PPFIBP1: variants seen among roughly 807,000 people sequenced by gnomAD.
PPFIBP1 encodes the protein PPFIB scaffold protein 1.
Under a neutral mutation model 137.8 loss-of-function variants are expected in PPFIBP1, and 112 were observed. That is an observed-to-expected ratio of 0.81 (90% CI 0.70 to 0.95). The LOEUF is 0.95. Ranked by LOEUF, PPFIBP1 falls within the 40% of genes least tolerant of loss-of-function variation. The pLI is 0.00. For synonymous variants in PPFIBP1, 378 were observed against 417.3 expected (o/e 0.91, Z 1.15); for missense variants, 1,083 against 1,196.6 (o/e 0.91, Z 1.40).
At chr12:27,535,953 T>G (rs1166963038) in intron 1 of PPFIBP1, among the ~76,000 whole-genome samples, 1 of 152,260 alleles carries the variant, frequency 6.6e-6, no homozygotes, top group East Asian at 1.9e-4. Flanking sequence ...GCCGTCATTT[T>G]CAGCATAAGT....
chr12:27,647,470 T>C (rs889275446), intron 5 of PPFIBP1, among the ~76,000 whole-genome samples: 2 of 152,242 alleles, frequency 1.3e-5, no homozygotes, highest in Non-Finnish European at 2.9e-5. Flanking sequence ...ATGGTTGAAG[T>C]AGCTTTAACC....
chr12:27,568,051 A>T (rs1457461628), intron 1 of PPFIBP1, among the ~76,000 whole-genome samples: 4 of 152,154 alleles, frequency 2.6e-5, no homozygotes, highest in Non-Finnish European at 5.9e-5. Context: ...TTTAATTTTT[A>T]AGGGCAACGG....
At chr12:27,568,217 G>C (rs988430750) in intron 1 of PPFIBP1, among the ~76,000 whole-genome samples, 9 of 152,216 alleles carry the variant, frequency 5.9e-5, no homozygotes, top group African/African-American at 1.9e-4. Context: ...TGTCATTAAT[G>C]CTGGTCAGGC....
At chr12:27,559,543 C>T (rs184012013) in intron 1 of PPFIBP1, among the ~76,000 whole-genome samples, 4 of 152,226 alleles carry the variant, frequency 2.6e-5, no homozygotes, top group African/African-American at 4.8e-5. Context: ...CAGCTGTATT[C>T]GCTTAATTCT....
intron 1 of PPFIBP1, among the ~76,000 whole-genome samples, chr12:27,575,844 T>C (rs1283282484): frequency 6.6e-6 from 1 of 152,222 alleles, no homozygotes; most frequent in Non-Finnish European, 1.5e-5. Context: ...TGTTGGTTAG[T>C]TAGTATTTAT....
intron 2 of PPFIBP1, among the ~76,000 whole-genome samples, chr12:27,581,945 C>G (rs2136987096): frequency 6.6e-6 from 1 of 151,732 alleles, no homozygotes; most frequent in South Asian, 2.1e-4. Context: ...TTTTAGAACT[C>G]TCTCTTCAAG....
At chr12:27,685,230 TACAC>T (rs1177134122) in intron 24 of PPFIBP1, among the ~76,000 whole-genome samples, 2 of 149,620 alleles carry the variant, frequency 1.3e-5, no homozygotes, top group Non-Finnish European at 2.9e-5. Context: ...TATATATATA[TACAC>T]ACACATACAC....
At chr12:27,688,214 TTGAGTAAC>T in intron 25 of PPFIBP1, 76 bp from the exon 26 acceptor site, 2 of 1,429,922 alleles carry the variant, frequency 1.4e-6, no homozygotes, top group Non-Finnish European at 1.9e-6. Context: ...TAGTGGGTTG[TTGAGTAAC>T]TGTACTCCAT....
At chr12:27,601,293 T>C (rs2053957650) in intron 2 of PPFIBP1, among the ~76,000 whole-genome samples, 1 of 152,248 alleles carries the variant, frequency 6.6e-6, no homozygotes, top group Admixed American at 6.5e-5. Flanking sequence ...AGGACTTCCT[T>C]CTTCCAAACC....
chr12:27,528,010 G>A (rs769401706), intron 1 of PPFIBP1, among the ~76,000 whole-genome samples: 5 of 152,048 alleles, frequency 3.3e-5, no homozygotes, highest in Non-Finnish European at 7.4e-5. Context: ...GTGCAGTGGC[G>A]TGATCTTGCC....
At chr12:27,633,238 C>T (rs978205348) in intron 2 of PPFIBP1, 124 bp from the exon 3 acceptor site, 5 of 647,046 alleles carry the variant, frequency 7.7e-6, no homozygotes, top group Admixed American at 2.7e-5. Context: ...CTTGCTACTC[C>T]ACTACTGAAG....
chr12:27,617,601 T>C (rs1485793814), intron 2 of PPFIBP1, among the ~76,000 whole-genome samples: 1 of 152,246 alleles, frequency 6.6e-6, no homozygotes, highest in African/African-American at 2.4e-5. Flanking sequence ...GCCTATAACC[T>C]TCACACATCC....
Position 27,691,925 on chromosome 12 carries a change from G to A in PPFIBP1, c.2862G>A (p.Glu954=). 1 of 1,606,216 alleles carries A rather than the reference G, an allele frequency of 6.2e-7. No individual in the cohort carries two copies. The highest frequency in any genetic ancestry group is 8.5e-7 in the Non-Finnish European group (1 of 1,177,192). The change falls in exon 28 of 30, where the codon GAG becomes GAA. Residue 954 remains glutamate (E), a synonymous_variant. Coordinates refer to ENST00000228425, the MANE Select transcript of PPFIBP1 (RefSeq NM_003622.4). The part of the protein sequence containing the change: ...LYEEDDLDRL[E]QMEDSEGTVR... Reference sequence around the variant, plus strand: ...AGGAAGATGATTTGGACCGGTTAGAGCAGGTAAATCCAACACTGTATAACT... The same window carrying A: ...AGGAAGATGATTTGGACCGGTTAGAACAGGTAAATCCAACACTGTATAACT...
chr12:27,582,626 C>T (rs919639889), intron 2 of PPFIBP1, among the ~76,000 whole-genome samples: 10 of 152,134 alleles, frequency 6.6e-5, no homozygotes, highest in South Asian at 2.1e-4. Context: ...TGTACTGTAG[C>T]GCTGTTCTAG....
chr12:27,667,053 T>C (rs1313196645), intron 12 of PPFIBP1, 113 bp from the exon 13 acceptor site: 31 of 1,115,888 alleles, frequency 2.8e-5, no homozygotes, highest in Non-Finnish European at 3.4e-5. Flanking sequence ...CTCTGATTTT[T>C]GAGGATCAGA....
intron 19 of PPFIBP1, 114 bp from the exon 20 acceptor site, chr12:27,679,375 G>A (rs10743607): frequency 0.99 from 1,024,487 of 1,032,662 alleles, 508,543 homozygotes; most frequent in East Asian, 1. Flanking sequence ...CTCTTTGTAA[G>A]TCACTGATTA....
intron 1 of PPFIBP1, among the ~76,000 whole-genome samples, chr12:27,542,640 C>T (rs376441731): frequency 1.0e-3 from 158 of 152,252 alleles, no homozygotes; most frequent in African/African-American, 3.3e-3. Context: ...TCTGCACAGA[C>T]GGGAAATTCT....
At chr12:27,612,621 T>C (rs1209748718) in intron 2 of PPFIBP1, among the ~76,000 whole-genome samples, 2 of 152,092 alleles carry the variant, frequency 1.3e-5, no homozygotes, top group Non-Finnish European at 2.9e-5. Flanking sequence ...AGTGCTGGAA[T>C]TACAGGTGTG....
At chr12:27,678,856 C>CAAAAAAAAA (rs60834907) in intron 19 of PPFIBP1, among the ~76,000 whole-genome samples, 5 of 98,972 alleles carry the variant, frequency 5.1e-5, no homozygotes, top group Admixed American at 1.4e-4. Context: ...GACTCTGTCT[C>CAAAAAAAAA]AAAAAAAAAA....
Sources: allele counts gnomAD v4.1 joint callset (sites outside exome capture counted in the v4.1 genomes callset), GRCh38; gene constraint gnomAD v4.1.1; transcripts MANE v1.5; gene names NCBI Gene and HGNC (gene_info 2026-07-23, HGNC 2026-07-21).